Variants in CAMK4 observed in about 807,000 individuals in gnomAD.
CAMK4 encodes calcium/calmodulin dependent protein kinase IV, also known as calcium/calmodulin-dependent protein kinase type IV.
CAMK4 carries 22 observed loss-of-function variants against 44.9 expected under a neutral mutation model. The observed-to-expected ratio is 0.49, with a 90% CI of 0.35 to 0.70. The LOEUF is 0.70. Ranked by LOEUF, CAMK4 falls within the 30% of genes least tolerant of loss-of-function variation. The pLI is 0.01. For synonymous variants in CAMK4, 218 were observed against 215.4 expected, an observed-to-expected ratio of 1.01 and a Z score of -0.11; for missense variants, 498 against 586.8, an observed-to-expected ratio of 0.85 and a Z score of 1.56.
intron 1 of CAMK4, among the ~76,000 whole-genome samples, chr5:111,340,054 T>C (rs1265579526): frequency 6.6e-6 from 1 of 151,310 alleles, no homozygotes; most frequent in African/African-American, 2.4e-5. Context: ...CCCAACTGAT[T>C]TTTTAATGTT....
At chr5:111,428,335 T>G (rs868298785) in intron 5 of CAMK4, among the ~76,000 whole-genome samples, 2 of 152,144 alleles carry the variant, frequency 1.3e-5, no homozygotes, top group African/African-American at 4.8e-5. Flanking sequence ...CCAAAAAACA[T>G]CTGCTAGCAT....
At chr5:111,319,754 G>A (rs1380375921) in intron 1 of CAMK4, among the ~76,000 whole-genome samples, 1 of 152,120 alleles carries the variant, frequency 6.6e-6, no homozygotes, top group Non-Finnish European at 1.5e-5. Flanking sequence ...TTAACTGATT[G>A]TGGTTATCCA....
intron 1 of CAMK4, among the ~76,000 whole-genome samples, chr5:111,291,284 T>TA (rs1317129690): frequency 6.6e-6 from 1 of 152,152 alleles, no homozygotes; most frequent in South Asian, 2.1e-4. Flanking sequence ...ACATTTGTGA[T>TA]AAAAAATACA....
intron 2 of CAMK4, among the ~76,000 whole-genome samples, chr5:111,370,792 G>A (rs983797335): frequency 3.3e-4 from 50 of 152,104 alleles, no homozygotes; most frequent in Non-Finnish European, 2.8e-4. Context: ...GCGCACACCT[G>A]TAGTCCCAAC....
chr5:111,311,925 G>C (rs527691994), intron 1 of CAMK4, among the ~76,000 whole-genome samples: 53 of 152,028 alleles, frequency 3.5e-4, no homozygotes, highest in Non-Finnish European at 6.2e-4. Context: ...GTATTTTTTA[G>C]CTGCCAGATC....
intron 1 of CAMK4, among the ~76,000 whole-genome samples, chr5:111,225,914 G>T (rs1471718400): frequency 6.6e-6 from 1 of 152,184 alleles, no homozygotes; most frequent in Non-Finnish European, 1.5e-5. Context: ...AAGTTTTTCA[G>T]TATTCATCTG....
intron 2 of CAMK4, among the ~76,000 whole-genome samples, chr5:111,351,845 G>A (rs566543448): frequency 5.3e-4 from 81 of 152,218 alleles, no homozygotes; most frequent in African/African-American, 1.9e-3. Flanking sequence ...CGAACTTGGT[G>A]GCTTATACGA....
At chr5:111,352,418 A>T (rs964997321) in intron 2 of CAMK4, among the ~76,000 whole-genome samples, 1 of 152,122 alleles carries the variant, frequency 6.6e-6, no homozygotes, top group East Asian at 1.9e-4. Context: ...ATGATATTTT[A>T]TAGCCATTAA....
At chr5:111,298,704 C>T (rs532271365) in intron 1 of CAMK4, among the ~76,000 whole-genome samples, 15 of 152,320 alleles carry the variant, frequency 9.8e-5, no homozygotes, top group Admixed American at 3.9e-4. Flanking sequence ...CAGAGCACAC[C>T]GCTCGGGCTC....
chr5:111,352,366 A>T (rs201641074), intron 2 of CAMK4, among the ~76,000 whole-genome samples: 2 of 151,982 alleles, frequency 1.3e-5, no homozygotes, highest in African/African-American at 2.4e-5. Context: ...CTGTTCACAA[A>T]TGGCAAAATA....
intron 1 of CAMK4, among the ~76,000 whole-genome samples, chr5:111,342,710 C>A (rs776091515): frequency 6.6e-6 from 1 of 151,338 alleles, no homozygotes; most frequent in Non-Finnish European, 1.5e-5. Context: ...CCTTTGCAAT[C>A]CATTCTTGAA....
At chr5:111,366,205 C>A (rs979339087) in intron 2 of CAMK4, among the ~76,000 whole-genome samples, 1 of 151,912 alleles carries the variant, frequency 6.6e-6, no homozygotes, top group Non-Finnish European at 1.5e-5. Context: ...TCATTCATAC[C>A]AAAAATAAGT....
intron 9 of CAMK4, among the ~76,000 whole-genome samples, chr5:111,479,883 A>C (rs1755371964): frequency 6.6e-6 from 1 of 152,030 alleles, no homozygotes. Context: ...TCTCCCCCGG[A>C]CCACTGCCCC....
At chr5:111,258,630 G>C (rs1377261315) in intron 1 of CAMK4, among the ~76,000 whole-genome samples, 2 of 151,996 alleles carry the variant, frequency 1.3e-5, no homozygotes. Context: ...CCAACCCCCT[G>C]CCCAGGTCCC....
At chr5:111,278,969 G>GCC (rs1476688114) in intron 1 of CAMK4, among the ~76,000 whole-genome samples, 3 of 152,152 alleles carry the variant, frequency 2.0e-5, no homozygotes, top group Non-Finnish European at 4.4e-5. Context: ...GTAGGGTACC[G>GCC]CAATACAACC....
intron 1 of CAMK4, among the ~76,000 whole-genome samples, chr5:111,248,564 T>C (rs1392852580): frequency 6.6e-6 from 1 of 151,648 alleles, no homozygotes; most frequent in Non-Finnish European, 1.5e-5. Context: ...GCGAATCTGG[T>C]TTTATTTGTT....
intron 1 of CAMK4, among the ~76,000 whole-genome samples, chr5:111,268,580 T>A (rs1411012658): frequency 1.3e-5 from 2 of 152,198 alleles, no homozygotes; most frequent in Non-Finnish European, 2.9e-5. Context: ...TAGAAAGTCT[T>A]TTGAACTTTT....
At chr5:111,356,188 T>G (rs1445796803) in intron 2 of CAMK4, among the ~76,000 whole-genome samples, 44 of 143,466 alleles carry the variant, frequency 3.1e-4, no homozygotes, top group African/African-American at 1.1e-3. Flanking sequence ...TTTTAATGAT[T>G]GCCATTCTAA....
At chr5:111,428,987 A>C (rs1753332395) in intron 5 of CAMK4, among the ~76,000 whole-genome samples, 1 of 152,232 alleles carries the variant, frequency 6.6e-6, no homozygotes, top group Non-Finnish European at 1.5e-5. Flanking sequence ...GCGATACAGC[A>C]AAACAGTATT....
Sources: gnomAD v4.1 joint callset for allele counts (sites outside exome capture counted in the v4.1 genomes callset) on GRCh38, gnomAD v4.1.1 for gene constraint, MANE v1.5 for transcripts, NCBI Gene and HGNC (gene_info 2026-07-23, HGNC 2026-07-21) for gene names.